The following MGAT4C variants were observed in gnomAD, a reference collection of about 807,000 sequenced individuals.
The protein encoded by MGAT4C is alpha-1,3-mannosyl-glycoprotein 4-beta-N-acetylglucosaminyltransferase C.
In MGAT4C, 19 loss-of-function variants were observed where a neutral mutation model predicts 40.1. The ratio of observed to expected loss-of-function variants is 0.47; its 90% CI spans 0.33 to 0.70. The LOEUF (loss-of-function observed/expected upper bound fraction) is 0.70, where lower values mean the gene tolerates loss of function less well. MGAT4C is among the 30% of genes least tolerant of loss of function. The probability of loss-of-function intolerance (pLI) is 0.02; values close to 1 mark genes in which losing one functional copy is unlikely to be tolerated. For synonymous variants in MGAT4C, 181 were observed against 187.1 expected (o/e 0.97, Z 0.27); for missense variants, 491 against 563.2 (o/e 0.87, Z 1.30).
At chr12:86,346,886 A>C (rs2136188684) in intron 3 of MGAT4C, among the ~76,000 whole-genome samples, 1 of 152,306 alleles carries the variant, frequency 6.6e-6, no homozygotes, top group African/African-American at 2.4e-5. Context: ...AGGTGGAATA[A>C]GCAGACTTGC....
chr12:86,629,089 A>C (rs1430096741), intron 2 of MGAT4C, among the ~76,000 whole-genome samples: 1 of 152,090 alleles, frequency 6.6e-6, no homozygotes, highest in Non-Finnish European at 1.5e-5. Context: ...AGAAAAAAAA[A>C]CCAGGGGTTG....
chr12:85,990,621 T>C (rs1055391976), intron 2 of MGAT4C, among the ~76,000 whole-genome samples: 6 of 152,104 alleles, frequency 3.9e-5, no homozygotes, highest in African/African-American at 1.2e-4. Flanking sequence ...TGGGTCCTTA[T>C]AAATTATAGT....
intron 2 of MGAT4C, among the ~76,000 whole-genome samples, chr12:86,677,158 C>A (rs1964419794): frequency 6.6e-6 from 1 of 152,008 alleles, no homozygotes; most frequent in Admixed American, 6.6e-5. Flanking sequence ...ACTTAATTAC[C>A]TAATTTATTA....
intron 2 of MGAT4C, among the ~76,000 whole-genome samples, chr12:86,585,697 A>G (rs1593012819): frequency 7.0e-6 from 1 of 143,314 alleles, no homozygotes; most frequent in East Asian, 2.0e-4. Flanking sequence ...GACTATCTCC[A>G]TACTTTCCCA....
intron 2 of MGAT4C, among the ~76,000 whole-genome samples, chr12:85,999,292 A>G (rs1029765314): frequency 6.6e-6 from 1 of 152,108 alleles, no homozygotes; most frequent in Non-Finnish European, 1.5e-5. Context: ...CAGCCAAACC[A>G]TATCAAGCAG....
chr12:86,344,719 T>G (rs1447320931), intron 3 of MGAT4C, among the ~76,000 whole-genome samples: 6 of 61,596 alleles, frequency 9.7e-5, no homozygotes, highest in East Asian at 4.4e-4. Flanking sequence ...CTCTTCTCGG[T>G]GTGTGTGTGT....
chr12:86,009,563 A>G (rs1888249273), intron 2 of MGAT4C, among the ~76,000 whole-genome samples: 3 of 152,216 alleles, frequency 2.0e-5, no homozygotes, highest in African/African-American at 7.2e-5. Flanking sequence ...CCAGTAAGCT[A>G]CGAAAATGAC....
At chr12:86,010,819 A>G (rs1347751248) in intron 2 of MGAT4C, among the ~76,000 whole-genome samples, 1 of 152,194 alleles carries the variant, frequency 6.6e-6, no homozygotes, top group Non-Finnish European at 1.5e-5. Flanking sequence ...GGATTAATCC[A>G]TTCATGGATT....
At chr12:86,335,958 C>T (rs1315423400) in intron 3 of MGAT4C, among the ~76,000 whole-genome samples, 2 of 152,236 alleles carry the variant, frequency 1.3e-5, no homozygotes, top group East Asian at 1.9e-4. Context: ...TCCCACTGCA[C>T]TCTTCTGCAG....
At chr12:86,588,840 T>C (rs928176734) in intron 2 of MGAT4C, among the ~76,000 whole-genome samples, 1 of 151,736 alleles carries the variant, frequency 6.6e-6, no homozygotes, top group African/African-American at 2.4e-5. Context: ...AATAAAGATG[T>C]TCTTTGAAAC....
At chr12:86,806,375 T>C (rs376731745) in intron 1 of MGAT4C, among the ~76,000 whole-genome samples, 1 of 151,994 alleles carries the variant, frequency 6.6e-6, no homozygotes, top group Non-Finnish European at 1.5e-5. Context: ...ACAACTAACA[T>C]TGGTGTTTGT....
In MGAT4C at chr12:86,645,355, T is replaced by C. The variant is rs905923408; in HGVS notation, c.-229+81854A>G. 5.3e-5 allele frequency among the ~76,000 whole-genome samples: 8 copies of C among 151,832 alleles called. No homozygotes were observed. The East Asian group carries it at 1.6e-3, about 30-fold the overall frequency. ...CATGTATTACATATATGAATTTTAA[T>C]ACAAAATGATAAGCAACATTAAATA... is the stretch of plus-strand genomic sequence containing the variant. On this transcript the variant is annotated intron_variant, in intron 2 of 7. Transcript: ENST00000548651.
At chr12:86,263,004 G>T (rs552245245) in intron 4 of MGAT4C, among the ~76,000 whole-genome samples, 1 of 151,864 alleles carries the variant, frequency 6.6e-6, no homozygotes, top group African/African-American at 2.4e-5. Context: ...TCTATTAAAA[G>T]AGTGATTTTT....
intron 1 of MGAT4C, among the ~76,000 whole-genome samples, chr12:86,190,591 C>T (rs1226886831): frequency 6.6e-6 from 1 of 151,918 alleles, no homozygotes; most frequent in Non-Finnish European, 1.5e-5. Context: ...AGAATTTTGG[C>T]TTGAATTTGC....
intron 1 of MGAT4C, among the ~76,000 whole-genome samples, chr12:86,095,626 G>C (rs557937934): frequency 1.9e-4 from 29 of 149,824 alleles, no homozygotes; most frequent in Non-Finnish European, 3.3e-4. Flanking sequence ...TGAGTAGAGA[G>C]GACTATTTTC....
intron 2 of MGAT4C, among the ~76,000 whole-genome samples, chr12:86,706,762 C>G (rs1384208839): frequency 6.6e-6 from 1 of 152,108 alleles, no homozygotes; most frequent in Non-Finnish European, 1.5e-5. Flanking sequence ...CCATGTCATC[C>G]TTTTAAAGTG....
intron 2 of MGAT4C, among the ~76,000 whole-genome samples, chr12:86,560,784 A>G (rs181443447): frequency 2.0e-5 from 3 of 152,344 alleles, no homozygotes; most frequent in Admixed American, 2.0e-4. Flanking sequence ...TACTGAAAGT[A>G]CTATTCAGAG....
At chr12:86,168,513 AAAAC>A (rs940810641) in intron 1 of MGAT4C, among the ~76,000 whole-genome samples, 6 of 152,204 alleles carry the variant, frequency 3.9e-5, no homozygotes, top group Admixed American at 2.0e-4. Context: ...TAGAAAACAA[AAAAC>A]AAACAAACAA....
At chr12:86,121,303 C>A (rs1592996488) in intron 1 of MGAT4C, among the ~76,000 whole-genome samples, 1 of 152,106 alleles carries the variant, frequency 6.6e-6, no homozygotes, top group Non-Finnish European at 1.5e-5. Flanking sequence ...GAGAATGGAA[C>A]CAAGTTGGAA....
Sources: allele counts gnomAD v4.1 joint callset (sites outside exome capture counted in the v4.1 genomes callset), GRCh38; gene constraint gnomAD v4.1.1; transcripts MANE v1.5; gene names NCBI Gene and HGNC (gene_info 2026-07-23, HGNC 2026-07-21).